Variants in CSNK1G1 observed in about 807,000 individuals in gnomAD.
CSNK1G1 encodes casein kinase 1 gamma 1.
In CSNK1G1, 22 loss-of-function variants were observed where a neutral mutation model predicts 59.6. The observed-to-expected ratio is 0.37, with a 90% CI of 0.26 to 0.53. The LOEUF is 0.53. Ranked by LOEUF, CSNK1G1 falls within the 20% of genes least tolerant of loss-of-function variation. The probability of loss-of-function intolerance (pLI) is 0.89; values close to 1 mark genes in which losing one functional copy is unlikely to be tolerated. For synonymous variants in CSNK1G1, 179 were observed against 177.1 expected (o/e 1.01, Z -0.08); for missense variants, 384 against 519.5 (o/e 0.74, Z 2.54).
At chr15:64,279,173 T>C (rs895676237) in intron 2 of CSNK1G1, among the ~76,000 whole-genome samples, 1 of 152,224 alleles carries the variant, frequency 6.6e-6, no homozygotes, top group African/African-American at 2.4e-5. Context: ...ACGTTAACTG[T>C]AGAGCTCGGT....
intron 10 of CSNK1G1, among the ~76,000 whole-genome samples, chr15:64,192,883 C>T (rs2081991354): frequency 7.1e-6 from 1 of 141,602 alleles, no homozygotes; most frequent in African/African-American, 2.7e-5. Flanking sequence ...ATCACCAAAT[C>T]CTATTCTTCA....
intron 2 of CSNK1G1, among the ~76,000 whole-genome samples, chr15:64,283,163 C>T (rs1488431780): frequency 1.3e-5 from 2 of 151,894 alleles, no homozygotes; most frequent in Non-Finnish European, 2.9e-5. Flanking sequence ...TATGGAAAAA[C>T]AAACAAAAAG....
chr15:64,314,437 A>C (rs1398092147), intron 1 of CSNK1G1, among the ~76,000 whole-genome samples: 1 of 151,998 alleles, frequency 6.6e-6, no homozygotes, highest in Admixed American at 6.6e-5. Flanking sequence ...ATAATAATTA[A>C]ATCAAGCTAG....
chr15:64,305,068 T>A (rs904258856), intron 1 of CSNK1G1, among the ~76,000 whole-genome samples: 13 of 152,108 alleles, frequency 8.5e-5, no homozygotes, highest in African/African-American at 1.4e-4. Flanking sequence ...TCTTTTTTTT[T>A]TAAATTATGT....
intron 6 of CSNK1G1, 145 bp downstream of exon 6, chr15:64,213,745 A>C: frequency 1.6e-6 from 1 of 637,518 alleles, no homozygotes; most frequent in Non-Finnish European, 2.8e-6. Context: ...TTAACTTACC[A>C]TCTCAACTTC....
At chr15:64,299,510 T>C (rs1468231602) in intron 2 of CSNK1G1, among the ~76,000 whole-genome samples, 1 of 151,532 alleles carries the variant, frequency 6.6e-6, no homozygotes, top group East Asian at 1.9e-4. Flanking sequence ...GAGAATGGCA[T>C]GAACCCGGGA....
chr15:64,292,830 A>G (rs1427567123), intron 2 of CSNK1G1, among the ~76,000 whole-genome samples: 2 of 152,138 alleles, frequency 1.3e-5, no homozygotes, highest in Non-Finnish European at 2.9e-5. Context: ...CAGGAGGCTG[A>G]GGCAGGAGAA....
chr15:64,225,896 G>C (rs1440732254), intron 4 of CSNK1G1, among the ~76,000 whole-genome samples: 2 of 152,116 alleles, frequency 1.3e-5, no homozygotes, highest in African/African-American at 4.8e-5. Context: ...CGAAGTGCTG[G>C]GATTACAGGC....
At chr15:64,300,983 T>C (rs982716912) in intron 1 of CSNK1G1, among the ~76,000 whole-genome samples, 1 of 152,240 alleles carries the variant, frequency 6.6e-6, no homozygotes, top group Non-Finnish European at 1.5e-5. Context: ...TCTAGTAATG[T>C]ATCTATGACC....
At chr15:64,193,728 A>G (rs191050481) in intron 10 of CSNK1G1, among the ~76,000 whole-genome samples, 2 of 152,332 alleles carry the variant, frequency 1.3e-5, no homozygotes, top group African/African-American at 4.8e-5. Flanking sequence ...GAGAGTATCA[A>G]TTCTGTGACG....
chr15:64,240,572 G>A (rs1484991443), intron 4 of CSNK1G1, among the ~76,000 whole-genome samples: 1 of 151,594 alleles, frequency 6.6e-6, no homozygotes, highest in African/African-American at 2.4e-5. Context: ...TTATAAGGGA[G>A]TAACAGCAGA....
chr15:64,285,525 T>C (rs995528358), intron 2 of CSNK1G1, among the ~76,000 whole-genome samples: 8 of 152,152 alleles, frequency 5.3e-5, no homozygotes, highest in African/African-American at 1.9e-4. Flanking sequence ...GACTAACAAG[T>C]ATAAAAAGTA....
chr15:64,245,836 A>C (rs1412107258), intron 4 of CSNK1G1, among the ~76,000 whole-genome samples: 2 of 152,160 alleles, frequency 1.3e-5, no homozygotes, highest in Non-Finnish European at 2.9e-5. Flanking sequence ...CTTTATAATA[A>C]CTGAAATAAG....
chr15:64,205,046 G>C, intron 7 of CSNK1G1, 97 bp from the exon 8 acceptor site: 1 of 666,196 alleles, frequency 1.5e-6, no homozygotes, highest in South Asian at 2.1e-5. Flanking sequence ...ACTCAAATTC[G>C]CAGTATTTGT....
chr15:64,209,696 C>A (rs2082226979), intron 6 of CSNK1G1, among the ~76,000 whole-genome samples: 1 of 151,348 alleles, frequency 6.6e-6, no homozygotes, highest in African/African-American at 2.4e-5. Context: ...TTGACACAAC[C>A]TAAGGATGCA....
intron 1 of CSNK1G1, among the ~76,000 whole-genome samples, chr15:64,337,879 C>T (rs1433537636): frequency 6.6e-6 from 1 of 152,148 alleles, no homozygotes; most frequent in African/African-American, 2.4e-5. Flanking sequence ...CTAGGTAGCT[C>T]ATAAGTGAAA....
intron 11 of CSNK1G1, among the ~76,000 whole-genome samples, chr15:64,174,427 A>C (rs1242376853): frequency 6.6e-6 from 1 of 152,212 alleles, no homozygotes; most frequent in Non-Finnish European, 1.5e-5. Flanking sequence ...AGGCCCCACA[A>C]TCTGTTCTTC....
chr15:64,282,658 T>G (rs1196722515), intron 2 of CSNK1G1, among the ~76,000 whole-genome samples: 1 of 152,250 alleles, frequency 6.6e-6, no homozygotes, highest in East Asian at 1.9e-4. Context: ...TATGGGCTAA[T>G]AATACCACAT....
intron 4 of CSNK1G1, among the ~76,000 whole-genome samples, chr15:64,239,110 C>T (rs535722631): frequency 6.6e-6 from 1 of 152,298 alleles, no homozygotes; most frequent in East Asian, 1.9e-4. Context: ...TCACACTCTT[C>T]CCAACCGGCA....
Sources: gnomAD v4.1 joint callset for allele counts (sites outside exome capture counted in the v4.1 genomes callset) on GRCh38, gnomAD v4.1.1 for gene constraint, MANE v1.5 for transcripts, NCBI Gene and HGNC (gene_info 2026-07-23, HGNC 2026-07-21) for gene names.